The following MBOAT4 variants were observed in gnomAD, a reference collection of about 807,000 sequenced individuals.
The protein encoded by MBOAT4 is membrane bound ghrelin O-acyltransferase MBOAT4.
A neutral mutation model predicts 13.2 loss-of-function variants in MBOAT4; 11 were observed. The observed-to-expected ratio is 0.84, with a 90% CI of 0.53 to 1.38. MBOAT4 has a LOEUF of 1.38. MBOAT4 is among the 40% of genes most tolerant of loss of function. MBOAT4 has a pLI of 0.00. For missense variants in MBOAT4, 481 were observed against 527.2 expected, an observed-to-expected ratio of 0.91 and a Z score of 0.86; for synonymous variants, 202 against 210.3, an observed-to-expected ratio of 0.96 and a Z score of 0.34.
chr8:30,133,207 G>A (rs1803065969), intron 2 of MBOAT4, among the ~76,000 whole-genome samples: 1 of 152,018 alleles, frequency 6.6e-6, no homozygotes, highest in African/African-American at 2.4e-5. Context: ...ATGAGCCACC[G>A]CCCCTGGCAA....
chr8:30,137,784 G>A, intron 2 of MBOAT4: 4 of 408,936 alleles, frequency 9.8e-6, no homozygotes, highest in South Asian at 6.4e-5. Flanking sequence ...CTTCTTGCCT[G>A]GAAACTAGAC....
rs1280330038 is a variant in MBOAT4, at chr8:30,144,593, C to G, written c.9G>C (p.Trp3Cys). 2 of 1,548,844 alleles carry G rather than the reference C, an allele frequency of 1.3e-6. No homozygotes were observed. The highest frequency in any genetic ancestry group is 2.7e-5 in the African/African-American group (2 of 72,956). Reference protein sequence around the residue: MEWLWLFFLHPIS... With the variant: MECLWLFFLHPIS... ...TAGGATGGAGAAAGAACAGCCAAAG[C>G]CACTCCATTAGGAACCAGAACAAAA... Residue 3 changes from tryptophan (W) to cysteine (C), a missense_variant, in exon 1 of 3, where the codon TGG (tryptophan) becomes TGC (cysteine). By Grantham distance (215) the Trp-to-Cys change is radical. Coordinates refer to ENST00000320542, the MANE Select transcript of MBOAT4 (RefSeq NM_001100916.2).
intron 1 of MBOAT4, among the ~76,000 whole-genome samples, chr8:30,140,121 C>G (rs1803237155): frequency 6.6e-6 from 1 of 152,172 alleles, no homozygotes; most frequent in African/African-American, 2.4e-5. Context: ...ACTGCAACCT[C>G]CGTCTCCTGG....
At chr8:30,144,430 C>T (rs1218450288) in intron 1 of MBOAT4, 53 bp downstream of exon 1, 4 of 1,350,216 alleles carry the variant, frequency 3.0e-6, no homozygotes, top group Non-Finnish European at 4.1e-6. Flanking sequence ...GCCACCGCAC[C>T]CAGTCACTAT....
intron 2 of MBOAT4, among the ~76,000 whole-genome samples, chr8:30,133,989 C>T (rs1563221082): frequency 1.3e-5 from 2 of 152,072 alleles, no homozygotes; most frequent in Non-Finnish European, 2.9e-5. Context: ...CAACCCTATA[C>T]AAAAAAATAC....
At chr8:30,139,469 TC>T (rs1803224769) in intron 1 of MBOAT4, among the ~76,000 whole-genome samples, 1 of 152,162 alleles carries the variant, frequency 6.6e-6, no homozygotes, top group Non-Finnish European at 1.5e-5. Flanking sequence ...AGGCATCCTC[TC>T]AAGACAAGTA....
intron 1 of MBOAT4, among the ~76,000 whole-genome samples, chr8:30,139,622 C>T (rs1336547907): frequency 6.6e-6 from 1 of 152,134 alleles, no homozygotes; most frequent in African/African-American, 2.4e-5. Context: ...ACTTTAAGAT[C>T]TTATGAGTTA....
At chr8:30,132,996 A>G in intron 2 of MBOAT4, 90 bp from the exon 3 acceptor site, 1 of 1,314,560 alleles carries the variant, frequency 7.6e-7, no homozygotes, top group East Asian at 2.5e-5. Flanking sequence ...CTCGCAGGAA[A>G]TAGATAGGTC....
At position 30,132,014 on chromosome 8, in the gene MBOAT4, T is replaced by C. The variant is rs1439888083; in HGVS notation, c.1237A>G (p.Asn413Asp). 1 of 1,552,022 alleles carries C rather than the reference T, an allele frequency of 6.4e-7. No homozygotes were observed. The highest frequency in any genetic ancestry group is 8.7e-7 in the Non-Finnish European group (1 of 1,147,058). ...CAGTACACCATGGGAAAGACACTGT[T>C]GTACGAATTACAGAGCAACCAGAGA... ...SSLWLLCNSYNSVFPMVYCIL... is the reference protein window; with the variant it reads ...SSLWLLCNSYDSVFPMVYCIL... Residue 413 changes from asparagine to aspartate, a missense_variant, in exon 3 of 3, where the codon AAC (asparagine) becomes GAC (aspartate). Asn to Asp is a conservative substitution (Grantham distance 23). Coordinates refer to ENST00000320542, the MANE Select transcript of MBOAT4 (RefSeq NM_001100916.2).
rs145757853 is a variant in MBOAT4 at position 30,132,627 on chromosome 8, C to T, written c.624G>A (p.Arg208=). 1 of 1,551,796 alleles carries T rather than the reference C, an allele frequency of 6.4e-7. No individual in the cohort carries two copies. The highest frequency in any genetic ancestry group is 8.7e-7 in the Non-Finnish European group (1 of 1,147,018). The change falls in exon 3 of 3, where the codon AGG becomes AGA. Residue 208 remains arginine, a synonymous_variant. Transcript: ENST00000320542. ...ATTCTAGTCCAAGAATCTGCAGACC[C>T]CTCCAGCTCAGAGCCCAGAAAGAGT... The part of the protein sequence containing the change: ...PRHSFWALSW[R]GLQILGLECL...
intron 1 of MBOAT4, among the ~76,000 whole-genome samples, chr8:30,143,182 T>C (rs536116916): frequency 1.5e-4 from 23 of 152,058 alleles, no homozygotes; most frequent in Admixed American, 5.2e-4. Flanking sequence ...GAATTATTTT[T>C]AAAAATGTAT....
chr8:30,135,559 G>A (rs975179326), intron 2 of MBOAT4, among the ~76,000 whole-genome samples: 2 of 152,072 alleles, frequency 1.3e-5, no homozygotes, highest in African/African-American at 4.8e-5. Context: ...AATCACCTGA[G>A]CTCTTACTGC....
rs981442461 is a variant in MBOAT4, at chr8:30,144,583, A to G, written c.19T>C (p.Phe7Leu). The G allele has an allele frequency of 3.9e-6, 6 of 1,551,084 alleles. No individual in the cohort carries two copies. The highest frequency in any genetic ancestry group is 5.2e-6 in the Non-Finnish European group (6 of 1,146,592). ...TAAAACGATATAGGATGGAGAAAGAACAGCCAAAGCCACTCCATTAGGAAC... is the reference window on the plus strand; with the variant it reads ...TAAAACGATATAGGATGGAGAAAGAGCAGCCAAAGCCACTCCATTAGGAAC... MEWLWLFFLHPISFYQG... is the reference protein window; with the variant it reads MEWLWLLFLHPISFYQG... The change falls in exon 1 of 3, where the codon TTC becomes CTC. Residue 7 changes from phenylalanine to leucine, a missense_variant. Phe to Leu is a conservative substitution (Grantham distance 22). Transcript: ENST00000320542.
rs1803055819 is a variant in MBOAT4, at chr8:30,132,795, C to T, written c.456G>A (p.Arg152=). ...VKAASGGFRS[R]SSLSEHVCKA... is the part of the protein sequence containing the mutation. ...TACACACATGCTCAGACAAAGAGCTCCTGCTCCTGAAGCCTCCAGATGCTG... is the reference window on the plus strand; with the variant it reads ...TACACACATGCTCAGACAAAGAGCTTCTGCTCCTGAAGCCTCCAGATGCTG... Residue 152 remains arginine (R), a synonymous_variant, in exon 3 of 3, where the codon AGG becomes AGA. Transcript: ENST00000320542. 1 of 1,551,756 alleles carries T rather than the reference C, an allele frequency of 6.4e-7. No individual in the cohort carries two copies. The highest frequency in any genetic ancestry group is 8.7e-7 in the Non-Finnish European group (1 of 1,147,010).
chr8:30,132,392 C>T lies in MBOAT4; in HGVS notation c.859G>A (p.Asp287Asn), dbSNP rs1363249279. The T allele has an allele frequency of 9.7e-6, 15 of 1,551,734 alleles. No homozygotes were observed. The highest frequency in any genetic ancestry group is 2.0e-5 in the Admixed American group (1 of 51,000). ...QSPGEEGYVPDADIWTLERTH... is the reference protein window; with the variant it reads ...QSPGEEGYVPNADIWTLERTH... ...CTTTCCAGGGTCCAGATGTCTGCAT[C>T]GGGGACATATCCCTCCTCTCCAGGG... The change falls in exon 3 of 3, where the codon GAT becomes AAT. Residue 287 changes from aspartate to asparagine, a missense_variant. By Grantham distance (23) the Asp-to-Asn change is conservative. Transcript: ENST00000320542.
chr8:30,133,739 T>C (rs910317769), intron 2 of MBOAT4, among the ~76,000 whole-genome samples: 1 of 144,566 alleles, frequency 6.9e-6, no homozygotes. Flanking sequence ...CAGTGAGCTA[T>C]GATTGCACCA....
In MBOAT4 at chr8:30,132,930, C is replaced by T. The variant is rs926854517; in HGVS notation, c.345-24G>A. 3 of 1,483,822 alleles carry T rather than the reference C, an allele frequency of 2.0e-6. No homozygotes were observed. In the African/African-American group the frequency reaches 4.3e-5, roughly 21 times the overall value. 91.9% of individuals were successfully genotyped at this position (1,483,822 alleles called of 1,614,324 possible). A position where few individuals can be genotyped will look rare whatever the true frequency, so the allele number is the denominator to read the frequency against. The stretch of plus-strand genomic sequence containing the variant: ...ACCTGCAAGATAATTTTTTAAAGAA[C>T]ATAAAAACACTCTGTATTTATTCTC... On this transcript the variant is annotated intron_variant, in intron 2 of 2. Transcript: ENST00000320542.
chr8:30,144,374 G>A (rs1249389788), intron 1 of MBOAT4, 109 bp downstream of exon 1: 3 of 726,054 alleles, frequency 4.1e-6, no homozygotes, highest in Non-Finnish European at 6.7e-6. Context: ...GGCCTCAAGT[G>A]ATCTGCCCGC....
chr8:30,141,886 A>G (rs996196027), intron 1 of MBOAT4, among the ~76,000 whole-genome samples: 8 of 152,148 alleles, frequency 5.3e-5, no homozygotes, highest in Non-Finnish European at 8.8e-5. Context: ...GAGAGCATCT[A>G]TGACTCAAAA....
Sources: gnomAD v4.1 joint callset for allele counts (sites outside exome capture counted in the v4.1 genomes callset) on GRCh38, gnomAD v4.1.1 for gene constraint, MANE v1.5 for transcripts, NCBI Gene and HGNC (gene_info 2026-07-23, HGNC 2026-07-21) for gene names.